ARHGAP24: variants seen among roughly 807,000 people sequenced by gnomAD.
The protein encoded by ARHGAP24 is rho GTPase-activating protein 24.
In ARHGAP24, 50 loss-of-function variants were observed where a neutral mutation model predicts 76.4. The observed-to-expected ratio is 0.65, with a 90% CI of 0.52 to 0.83. The LOEUF (loss-of-function observed/expected upper bound fraction) is 0.83, where lower values mean the gene tolerates loss of function less well. Among genes scored for constraint, ARHGAP24 ranks in the 40% least tolerant of loss-of-function variants. ARHGAP24 has a pLI of 0.00. For synonymous variants in ARHGAP24, 345 were observed against 323.3 expected (o/e 1.07, Z -0.72); for missense variants, 930 against 914.2 (o/e 1.02, Z -0.22).
chr4:85,920,949 C>CA (rs1313097662), intron 3 of ARHGAP24, among the ~76,000 whole-genome samples: 1 of 152,102 alleles, frequency 6.6e-6, no homozygotes, highest in Non-Finnish European at 1.5e-5. Flanking sequence ...ATTAGTTCAA[C>CA]AATGTGGAAG....
intron 1 of ARHGAP24, among the ~76,000 whole-genome samples, chr4:85,516,568 G>A (rs1280035295): frequency 6.6e-6 from 1 of 151,550 alleles, no homozygotes; most frequent in Admixed American, 6.6e-5. Flanking sequence ...TTATGTTTAA[G>A]GGCCAAGAAA....
intron 3 of ARHGAP24, among the ~76,000 whole-genome samples, chr4:85,743,197 G>A (rs956331703): frequency 6.6e-6 from 1 of 151,806 alleles, no homozygotes; most frequent in Non-Finnish European, 1.5e-5. Context: ...TGGTACTTAA[G>A]TGGGAGCTAG....
intron 2 of ARHGAP24, among the ~76,000 whole-genome samples, chr4:85,710,595 T>A (rs1462742148): frequency 2.0e-5 from 3 of 152,024 alleles, no homozygotes; most frequent in Non-Finnish European, 4.4e-5. Flanking sequence ...CTAGCATCTA[T>A]AAAGAACTTC....
chr4:85,647,388 G>T (rs1346744568), intron 2 of ARHGAP24, among the ~76,000 whole-genome samples: 1 of 152,014 alleles, frequency 6.6e-6, no homozygotes, highest in Middle Eastern at 3.4e-3. Context: ...CTTTGGCTTG[G>T]TTTGGTGTCC....
At chr4:85,541,656 A>G (rs943549790) in intron 1 of ARHGAP24, among the ~76,000 whole-genome samples, 11 of 152,188 alleles carry the variant, frequency 7.2e-5, no homozygotes, top group African/African-American at 2.2e-4. Flanking sequence ...TAGTTTATTC[A>G]TTCAATTCTT....
rs140290557 is a variant in ARHGAP24, at chr4:85,746,933, G to A, written c.268+24961G>A. The stretch of plus-strand genomic sequence containing the variant: ...CTCCCAAAGTGCTGGGATTTCAGGA[G>A]TGAGCCACCGCACCCAGCCTGATTG... On this transcript the variant is annotated intron_variant, in intron 3 of 9. Coordinates refer to ENST00000395184, the MANE Select transcript of ARHGAP24 (RefSeq NM_001025616.3). 4.9e-3 allele frequency among the ~76,000 whole-genome samples: 751 copies of A among 152,226 alleles called. 6 individuals are homozygous for A. The highest frequency in any genetic ancestry group is 0.017 in the African/African-American group (703 of 41,518).
intron 2 of ARHGAP24, among the ~76,000 whole-genome samples, chr4:85,714,926 A>T (rs1724679177): frequency 6.6e-6 from 1 of 152,146 alleles, no homozygotes; most frequent in Admixed American, 6.6e-5. Context: ...GCTAATGGTA[A>T]ATCCTTAAAG....
intron 3 of ARHGAP24, among the ~76,000 whole-genome samples, chr4:85,911,086 T>C (rs1371899130): frequency 1.3e-5 from 2 of 152,168 alleles, no homozygotes; most frequent in Non-Finnish European, 2.9e-5. Context: ...AGTACAGGAA[T>C]GCCTGAGTCT....
chr4:85,758,277 GT>G (rs1347339755), intron 3 of ARHGAP24, among the ~76,000 whole-genome samples: 1 of 152,178 alleles, frequency 6.6e-6, no homozygotes, highest in African/African-American at 2.4e-5. Context: ...AAGAGTGAGG[GT>G]CCTCAAAGGG....
At chr4:85,988,450 A>G (rs1740132935) in intron 8 of ARHGAP24, among the ~76,000 whole-genome samples, 1 of 151,780 alleles carries the variant, frequency 6.6e-6, no homozygotes, top group South Asian at 2.1e-4. Flanking sequence ...CTACTTTAAG[A>G]CTTTTAATTT....
chr4:85,580,273 A>G (rs1041512405), intron 2 of ARHGAP24, among the ~76,000 whole-genome samples: 2 of 152,044 alleles, frequency 1.3e-5, no homozygotes, highest in African/African-American at 2.4e-5. Context: ...AGACAAATGA[A>G]TCTCTGCCTA....
At chr4:85,764,219 T>C (rs1009032224) in intron 3 of ARHGAP24, among the ~76,000 whole-genome samples, 1 of 152,128 alleles carries the variant, frequency 6.6e-6, no homozygotes, top group African/African-American at 2.4e-5. Flanking sequence ...TACCTCTTCA[T>C]ACTCAATTTT....
chr4:85,665,540 A>T (rs542941706), intron 2 of ARHGAP24, among the ~76,000 whole-genome samples: 199 of 152,180 alleles, frequency 1.3e-3, no homozygotes, highest in African/African-American at 4.6e-3. Context: ...GTGATGTGTG[A>T]ATTTGATCCT....
At chr4:85,527,046 C>T (rs1342719630) in intron 1 of ARHGAP24, among the ~76,000 whole-genome samples, 1 of 152,118 alleles carries the variant, frequency 6.6e-6, no homozygotes, top group Non-Finnish European at 1.5e-5. Context: ...GCTTGATTCT[C>T]TCAGGACATG....
intron 3 of ARHGAP24, among the ~76,000 whole-genome samples, chr4:85,853,066 T>C (rs2123361): frequency 0.084 from 12,816 of 152,294 alleles, 656 homozygotes; most frequent in Middle Eastern, 0.13. Flanking sequence ...TGTTCAGCTA[T>C]GCCCTGCCAC....
At chr4:85,958,423 AAAGT>A (rs1738048208) in intron 5 of ARHGAP24, among the ~76,000 whole-genome samples, 2 of 152,274 alleles carry the variant, frequency 1.3e-5, no homozygotes, top group African/African-American at 4.8e-5. Flanking sequence ...GGTATAAGGA[AAAGT>A]AATATGCTTG....
intron 1 of ARHGAP24, among the ~76,000 whole-genome samples, chr4:85,536,281 C>T (rs780320618): frequency 1.2e-4 from 19 of 152,088 alleles, no homozygotes; most frequent in Non-Finnish European, 2.4e-4. Flanking sequence ...GTGCTATGAA[C>T]ACATAAACCC....
In ARHGAP24 at chr4:85,984,293, T is replaced by C. The variant is rs570267164; in HGVS notation, c.928+6602T>C. 2.9e-4 allele frequency among the ~76,000 whole-genome samples: 44 copies of C among 152,262 alleles called. No individual in the cohort carries two copies. In the East Asian group the frequency reaches 7.1e-3, roughly 25 times the overall value. On this transcript the variant is annotated intron_variant, in intron 8 of 9. Transcript: ENST00000395184. ...GTTACTATAACAAAACACCATAGACTGGGTAGCTTATAAAGAACAGAAATT... is the reference window on the plus strand; with the variant it reads ...GTTACTATAACAAAACACCATAGACCGGGTAGCTTATAAAGAACAGAAATT...
intron 3 of ARHGAP24, among the ~76,000 whole-genome samples, chr4:85,898,093 G>T (rs71603475): frequency 3.0e-3 from 445 of 149,540 alleles, no homozygotes; most frequent in Non-Finnish European, 3.9e-3. Flanking sequence ...GTTTTTGTGG[G>T]GAGGGGAGAC....
Sources: allele counts gnomAD v4.1 joint callset (sites outside exome capture counted in the v4.1 genomes callset), GRCh38; gene constraint gnomAD v4.1.1; transcripts MANE v1.5; gene names NCBI Gene and HGNC (gene_info 2026-07-23, HGNC 2026-07-21).